Variants in TBC1D2 observed in about 807,000 individuals in gnomAD.
The protein encoded by TBC1D2 is TBC1 domain family member 2, also known as TBC1 domain family member 2A.
TBC1D2 carries 58 observed loss-of-function variants against 91.1 expected under a neutral mutation model. That is an observed-to-expected ratio of 0.64 (90% CI 0.52 to 0.79). The LOEUF is 0.79. TBC1D2 is among the 30% of genes least tolerant of loss of function. The pLI, the probability that TBC1D2 is intolerant of heterozygous loss-of-function variation, is 0.00. For synonymous variants in TBC1D2, 482 were observed against 511.5 expected (o/e 0.94, Z 0.78); for missense variants, 1,080 against 1,208.3 (o/e 0.89, Z 1.57).
Position 98,220,911 on chromosome 9 carries a change from G to C in TBC1D2, c.1296C>G (p.Pro432=), listed in dbSNP as rs1352171243. The C allele has an allele frequency of 1.9e-6, 3 of 1,614,080 alleles. No individual in the cohort carries two copies. Among genetic ancestry groups the C allele is most frequent in the Non-Finnish European group, 2.5e-6 (3 of 1,180,032 alleles). The change falls in exon 6 of 13, where the codon CCC becomes CCG. Residue 432 remains proline, a synonymous_variant. Coordinates refer to ENST00000465784, the MANE Select transcript of TBC1D2 (RefSeq NM_001267571.2). ...SEKVTQDFTH[P]PDQSPLRPDA... ...CGGGGCGCAAAGGAGACTGGTCAGG[G>C]GGGTGCGTGAAGTCCTGGGTGACCT... is the stretch of plus-strand genomic sequence containing the variant.
intron 2 of TBC1D2, among the ~76,000 whole-genome samples, chr9:98,244,428 A>AT (rs560424062): frequency 9.3e-4 from 141 of 152,104 alleles, no homozygotes; most frequent in Admixed American, 2.1e-3. Flanking sequence ...GGAGGCTGAG[A>AT]TGGGCGGATC....
chr9:98,239,270 C>T (rs1829581338), intron 3 of TBC1D2, among the ~76,000 whole-genome samples: 2 of 152,086 alleles, frequency 1.3e-5, no homozygotes, highest in South Asian at 4.1e-4. Context: ...GTAGGCTGGT[C>T]TCAAACTCCT....
chr9:98,243,970 C>A (rs750311699), intron 3 of TBC1D2, 24 bp downstream of exon 3: 58 of 1,587,184 alleles, frequency 3.7e-5, no homozygotes, highest in Admixed American at 5.4e-5. Context: ...GCTTGGCTAG[C>A]CCCTCAGCTC....
At chr9:98,200,470 C>T (rs962300602) in intron 11 of TBC1D2, 96 bp from the exon 12 acceptor site, 3 of 1,301,462 alleles carry the variant, frequency 2.3e-6, no homozygotes, top group African/African-American at 2.9e-5. Context: ...GTATGGAAGA[C>T]CCTGGACTGG....
chr9:98,255,264 A>G lies in TBC1D2; in HGVS notation c.278T>C (p.Ile93Thr). 6.2e-7 allele frequency: 1 copy of G among 1,614,226 alleles called. No homozygotes were observed. The highest frequency in any genetic ancestry group is 8.5e-7 in the Non-Finnish European group (1 of 1,180,034). ...GTCAAACACTGCACTGGAGAGGTCG[A>G]TGCTGTCCAAGGGATTGGCATCCTG... is the stretch of plus-strand genomic sequence containing the variant. ...TAQDANPLDS[I>T]DLSSAVFDCK... is the part of the protein sequence containing the mutation. The change falls in exon 1 of 13, where the codon ATC (isoleucine) becomes ACC (threonine). Residue 93 changes from isoleucine (I) to threonine (T), a missense_variant. Transcript: ENST00000465784.
chr9:98,255,286 C>T lies in TBC1D2; in HGVS notation c.256G>A (p.Asp86Asn). ...TCGATGCTGTCCAAGGGATTGGCAT[C>T]CTGAGCGGTCCGCGAGTAATACAGC... is the stretch of plus-strand genomic sequence containing the variant. ...CQLYYSRTAQ[D>N]ANPLDSIDLS... is the part of the protein sequence containing the mutation. The change falls in exon 1 of 13, where the codon GAT (aspartate) becomes AAT (asparagine). Residue 86 changes from aspartate to asparagine, a missense_variant. Transcript: ENST00000465784. 8 of 1,614,250 alleles carry T rather than the reference C, an allele frequency of 5.0e-6. No individual in the cohort carries two copies.
chr9:98,211,017 A>G (rs545112798), intron 7 of TBC1D2, among the ~76,000 whole-genome samples, 174 bp from the exon 8 acceptor site: 1 of 152,258 alleles, frequency 6.6e-6, no homozygotes, highest in Non-Finnish European at 1.5e-5. Context: ...AGTGGTTTAC[A>G]GCAAGGCAGG....
intron 6 of TBC1D2, among the ~76,000 whole-genome samples, chr9:98,216,011 G>C (rs2119059564): frequency 6.6e-6 from 1 of 152,300 alleles, no homozygotes; most frequent in Admixed American, 6.5e-5. Context: ...AAAGACGCTG[G>C]AGTTGGCCAT....
intron 3 of TBC1D2, among the ~76,000 whole-genome samples, chr9:98,243,048 G>C (rs1354684980): frequency 6.6e-6 from 1 of 151,630 alleles, no homozygotes; most frequent in Non-Finnish European, 1.5e-5. Flanking sequence ...CCAAAGTGTT[G>C]CAATTACAGG....
intron 4 of TBC1D2, among the ~76,000 whole-genome samples, chr9:98,229,712 C>T (rs1050393560): frequency 5.9e-5 from 9 of 152,224 alleles, no homozygotes; most frequent in African/African-American, 1.7e-4. Flanking sequence ...AGATATATTT[C>T]CCCCACAGTT....
intron 3 of TBC1D2, among the ~76,000 whole-genome samples, chr9:98,243,673 A>G (rs1204141699): frequency 4.0e-5 from 6 of 151,256 alleles, no homozygotes; most frequent in Admixed American, 2.0e-4. Context: ...AGTAGCTGGG[A>G]TTATAGGCAC....
intron 5 of TBC1D2, among the ~76,000 whole-genome samples, chr9:98,227,533 G>A (rs899573692): frequency 6.6e-6 from 1 of 152,118 alleles, no homozygotes; most frequent in African/African-American, 2.4e-5. Flanking sequence ...GAGGTGGGCA[G>A]ATCACTTGAG....
rs979125550 is a variant in TBC1D2, at chr9:98,241,752, C to T, written c.647+2242G>A. 2.6e-5 allele frequency among the ~76,000 whole-genome samples: 4 copies of T among 152,162 alleles called. No individual in the cohort carries two copies. The East Asian group carries it at 7.7e-4, about 29-fold the overall frequency. On this transcript the variant is annotated intron_variant, in intron 3 of 12. Transcript: ENST00000465784. ...CAGCATGCTCCCAATGCACCCAGTT[C>T]CCTGTAGCTCCTCCCAACAGGTGAT... is the stretch of plus-strand genomic sequence containing the variant.
chr9:98,233,772 C>T (rs982583078), intron 3 of TBC1D2, among the ~76,000 whole-genome samples: 1 of 152,218 alleles, frequency 6.6e-6, no homozygotes, highest in Non-Finnish European at 1.5e-5. Context: ...CACTATGTGG[C>T]TTATAAGTAA....
At chr9:98,233,800 T>C (rs4379551) in intron 3 of TBC1D2, among the ~76,000 whole-genome samples, 36,731 of 152,126 alleles carry the variant, frequency 0.24, 4,655 homozygotes, top group Non-Finnish European at 0.28. Context: ...TTGACTTCCT[T>C]AACCCCCACC....
At chr9:98,244,205 G>A (rs1371477080) in intron 2 of TBC1D2, 76 bp from the exon 3 acceptor site, 3 of 1,566,614 alleles carry the variant, frequency 1.9e-6, no homozygotes, top group Non-Finnish European at 2.6e-6. Flanking sequence ...GATGCTATGG[G>A]TGCAGCCCTG....
rs369354290 is a variant in TBC1D2 at position 98,213,108 on chromosome 9, C to A, written c.1485G>T (p.Lys495Asn). Residue 495 changes from lysine (K) to asparagine (N), a missense_variant and splice_region_variant, in exon 7 of 13, where the codon AAG becomes AAT. Coordinates refer to ENST00000465784, the MANE Select transcript of TBC1D2 (RefSeq NM_001267571.2). The part of the protein sequence containing the change: ...VAEKEKALLT[K>N]CAYLQARNCQ... Reference sequence around the variant, plus strand: ...GCTGGAATAGGGCCCCACCCCGCACCTTCGTCAGAAGGGCCTTCTCCTTCT... The same window carrying A: ...GCTGGAATAGGGCCCCACCCCGCACATTCGTCAGAAGGGCCTTCTCCTTCT... 2 of 1,613,952 alleles carry A rather than the reference C, an allele frequency of 1.2e-6. No individual in the cohort carries two copies. Among genetic ancestry groups the A allele is most frequent in the Non-Finnish European group, 1.7e-6 (2 of 1,180,032 alleles).
intron 6 of TBC1D2, among the ~76,000 whole-genome samples, chr9:98,215,949 C>A (rs549429743): frequency 2.6e-5 from 4 of 152,340 alleles, no homozygotes; most frequent in African/African-American, 9.6e-5. Context: ...TGGCTACACG[C>A]ATGCAGGCTT....
Position 98,220,885 on chromosome 9 carries a change from T to A in TBC1D2, c.1322A>T (p.Asp441Val). 1 of 1,614,116 alleles carries A rather than the reference T, an allele frequency of 6.2e-7. No individual in the cohort carries two copies. Among genetic ancestry groups the A allele is most frequent in the Non-Finnish European group, 8.5e-7 (1 of 1,179,986 alleles). Reference protein sequence around the residue: ...HPPDQSPLRPDAANRDFLSQQ... With the variant: ...HPPDQSPLRPVAANRDFLSQQ... ...GCTCAGGAAGTCCCTGTTGGCAGCGTCGGGGCGCAAAGGAGACTGGTCAGG... is the reference window on the plus strand; with the variant it reads ...GCTCAGGAAGTCCCTGTTGGCAGCGACGGGGCGCAAAGGAGACTGGTCAGG... The change falls in exon 6 of 13, where the codon GAC becomes GTC. Residue 441 changes from aspartate to valine, a missense_variant. Asp to Val is a radical substitution (Grantham distance 152). Coordinates refer to ENST00000465784, the MANE Select transcript of TBC1D2 (RefSeq NM_001267571.2).
Sources: gnomAD v4.1 joint callset for allele counts (sites outside exome capture counted in the v4.1 genomes callset) on GRCh38, gnomAD v4.1.1 for gene constraint, MANE v1.5 for transcripts, NCBI Gene and HGNC (gene_info 2026-07-23, HGNC 2026-07-21) for gene names.